Variants in GNB4 observed in about 807,000 individuals in gnomAD.
GNB4 encodes G protein subunit beta 4.
GNB4 carries 28 observed loss-of-function variants against 45.2 expected under a neutral mutation model. The observed-to-expected ratio is 0.62, with a 90% CI of 0.46 to 0.85. GNB4 has a LOEUF of 0.85. Ranked by LOEUF, GNB4 falls within the 40% of genes least tolerant of loss-of-function variation. The probability of loss-of-function intolerance (pLI) is 0.00; values close to 1 mark genes in which losing one functional copy is unlikely to be tolerated. For missense variants in GNB4, 321 were observed against 425.4 expected (o/e 0.75, Z 2.16); for synonymous variants, 132 against 143.7 (o/e 0.92, Z 0.58).
chr3:179,457,552 T>A, the GNB4 span, among the ~76,000 whole-genome samples: 1 of 152,182 alleles, frequency 6.6e-6, no homozygotes, highest in Non-Finnish European at 1.5e-5. Context: ...ACCCACCAAT[T>A]TTCTTCAATT....
the GNB4 span, among the ~76,000 whole-genome samples, chr3:179,475,122 T>C: frequency 1.3e-5 from 2 of 151,620 alleles, no homozygotes; most frequent in Non-Finnish European, 2.9e-5. Context: ...ATTTTTATTA[T>C]TTATTTATTT....
At chr3:179,450,489 C>A (rs1715840046) in intron 1 of GNB4, among the ~76,000 whole-genome samples, 1 of 152,136 alleles carries the variant, frequency 6.6e-6, no homozygotes, top group Non-Finnish European at 1.5e-5. Flanking sequence ...TTTAAGAAAA[C>A]TTCCCGCTAA....
intron 1 of GNB4, among the ~76,000 whole-genome samples, chr3:179,431,723 A>C (rs942853479): frequency 6.6e-6 from 1 of 152,212 alleles, no homozygotes; most frequent in African/African-American, 2.4e-5. Flanking sequence ...TATATTTGGC[A>C]AGAATCCTTC....
At chr3:179,488,812 A>T in the GNB4 span, among the ~76,000 whole-genome samples, 13 of 150,070 alleles carry the variant, frequency 8.7e-5, no homozygotes, top group Middle Eastern at 3.4e-3. Flanking sequence ...GTGAAACCCC[A>T]TCTCTACCAA....
At chr3:179,524,378 T>C in the GNB4 span, among the ~76,000 whole-genome samples, 1 of 152,238 alleles carries the variant, frequency 6.6e-6, no homozygotes, top group African/African-American at 2.4e-5. Flanking sequence ...AGTGGCCAGA[T>C]TTCTGGCACT....
the GNB4 span, among the ~76,000 whole-genome samples, chr3:179,478,314 T>A: frequency 6.6e-6 from 1 of 152,206 alleles, no homozygotes; most frequent in Non-Finnish European, 1.5e-5. Context: ...GGAGGAGACA[T>A]TCAAATCATA....
At chr3:179,489,053 A>G in the GNB4 span, among the ~76,000 whole-genome samples, 3 of 113,930 alleles carry the variant, frequency 2.6e-5, 1 homozygote, top group East Asian at 5.2e-4. Flanking sequence ...TATAATATAT[A>G]TGTAATAAAA....
chr3:179,404,417 T>C (rs994205325), intron 9 of GNB4, among the ~76,000 whole-genome samples: 2 of 152,076 alleles, frequency 1.3e-5, no homozygotes, highest in Non-Finnish European at 1.5e-5. Context: ...TATTTAGAGA[T>C]ATGTAAGTAA....
the GNB4 span, among the ~76,000 whole-genome samples, chr3:179,473,933 G>A: frequency 6.6e-6 from 1 of 152,096 alleles, no homozygotes; most frequent in Admixed American, 6.5e-5. Context: ...GAAGAAAGAG[G>A]GTAGAAAAGA....
At chr3:179,461,491 C>T in the GNB4 span, among the ~76,000 whole-genome samples, 1 of 77,582 alleles carries the variant, frequency 1.3e-5, no homozygotes, top group Non-Finnish European at 2.5e-5. Flanking sequence ...AGCGAGACTC[C>T]GTCTCAAAAA....
At chr3:179,449,779 C>T (rs1397425071) in intron 1 of GNB4, among the ~76,000 whole-genome samples, 2 of 152,206 alleles carry the variant, frequency 1.3e-5, no homozygotes, top group Non-Finnish European at 2.9e-5. Context: ...AGCCAGCTGA[C>T]TTCAATAACA....
chr3:179,514,101 T>G, the GNB4 span, among the ~76,000 whole-genome samples: 3 of 152,222 alleles, frequency 2.0e-5, no homozygotes, highest in Non-Finnish European at 2.9e-5. Flanking sequence ...AGTTGAGGCA[T>G]GAGCTGATAT....
At chr3:179,518,235 G>C in the GNB4 span, among the ~76,000 whole-genome samples, 1 of 152,262 alleles carries the variant, frequency 6.6e-6, no homozygotes, top group Admixed American at 6.5e-5. Flanking sequence ...CTCGACAGTA[G>C]TTCCAAATAG....
chr3:179,417,356 A>T (rs917586536), intron 4 of GNB4, among the ~76,000 whole-genome samples: 1 of 152,188 alleles, frequency 6.6e-6, no homozygotes, highest in African/African-American at 2.4e-5. Context: ...TGTTAAACTA[A>T]AGAGTATGAA....
chr3:179,465,084 C>A, the GNB4 span: 1 of 1,456,912 alleles, frequency 6.9e-7, no homozygotes, highest in Non-Finnish European at 9.6e-7. Context: ...ACAATTCTTG[C>A]AGATATTGTA....
At chr3:179,470,912 G>T in the GNB4 span, among the ~76,000 whole-genome samples, 4 of 152,174 alleles carry the variant, frequency 2.6e-5, no homozygotes, top group African/African-American at 9.7e-5. Context: ...GGGCGCCGTG[G>T]CTTACGCCTG....
chr3:179,465,789 T>TA, the GNB4 span, among the ~76,000 whole-genome samples: 2 of 144,904 alleles, frequency 1.4e-5, no homozygotes, highest in African/African-American at 2.6e-5. Flanking sequence ...CTTAAATAGA[T>TA]AATTTTTTTC....
At chr3:179,461,178 A>G in the GNB4 span, among the ~76,000 whole-genome samples, 1 of 152,162 alleles carries the variant, frequency 6.6e-6, no homozygotes, top group Non-Finnish European at 1.5e-5. Context: ...TAGCGACTGG[A>G]CATGGCAACT....
At chr3:179,521,301 T>C in the GNB4 span, among the ~76,000 whole-genome samples, 2 of 152,182 alleles carry the variant, frequency 1.3e-5, no homozygotes, top group Non-Finnish European at 2.9e-5. Context: ...GAACTCATGG[T>C]CTTTTAAAAA....
Sources: allele counts gnomAD v4.1 joint callset (sites outside exome capture counted in the v4.1 genomes callset), GRCh38; gene constraint gnomAD v4.1.1; transcripts MANE v1.5; gene names NCBI Gene and HGNC (gene_info 2026-07-23, HGNC 2026-07-21).